The following NAPG variants were observed in gnomAD, a reference collection of about 807,000 sequenced individuals.
NAPG encodes gamma-soluble NSF attachment protein.
NAPG carries 25 observed loss-of-function variants against 48.4 expected under a neutral mutation model. The observed-to-expected ratio is 0.52, with a 90% CI of 0.38 to 0.72. The LOEUF (loss-of-function observed/expected upper bound fraction) is 0.72, where lower values mean the gene tolerates loss of function less well. Among genes scored for constraint, NAPG ranks in the 30% least tolerant of loss-of-function variants. NAPG has a pLI of 0.00. For missense variants in NAPG, 359 were observed against 372.5 expected (o/e 0.96, Z 0.30); for synonymous variants, 139 against 127.2 (o/e 1.09, Z -0.62).
Position 10,534,569 on chromosome 18 carries a change from G to A in NAPG, c.258+73G>A, listed in dbSNP as rs2031994900. On this transcript the variant is annotated intron_variant, in intron 5 of 11. Coordinates refer to ENST00000322897, the MANE Select transcript of NAPG (RefSeq NM_003826.3). This position sits in a 1 kb window ranked among gnomAD's most constrained non-coding sequence, Gnocchi z 5.0. ...TACAAGGTGTTAAACAAGAATTTTT[G>A]TTGAAGTTGAAAAGCTTCCTTACTG... 1 of 1,466,392 alleles carries A rather than the reference G, an allele frequency of 6.8e-7. No homozygotes were observed. Among genetic ancestry groups the A allele is most frequent in the African/African-American group, 1.4e-5 (1 of 72,010 alleles). 90.8% of individuals were successfully genotyped at this position (1,466,392 alleles called of 1,614,324 possible). A position where few individuals can be genotyped will look rare whatever the true frequency, so the allele number is the denominator to read the frequency against.
rs1277693681 is a variant in NAPG at position 10,534,139 on chromosome 18, T to C, written c.228-327T>C. ...TCCAGCCTGGGCGACACAGCAAGGCTCCATCCCAAAAACAAACAAACAAAC... is the reference window on the plus strand; with the variant it reads ...TCCAGCCTGGGCGACACAGCAAGGCCCCATCCCAAAAACAAACAAACAAAC... On this transcript the variant is annotated intron_variant, in intron 4 of 11. Coordinates refer to ENST00000322897, the MANE Select transcript of NAPG (RefSeq NM_003826.3). The surrounding 1 kb of genome is among the most constrained non-coding windows in gnomAD (Gnocchi z 5.0). 4.6e-5 allele frequency among the ~76,000 whole-genome samples: 7 copies of C among 152,238 alleles called. No individual in the cohort carries two copies. The highest frequency in any genetic ancestry group is 2.1e-4 in the South Asian group (1 of 4,822).
intron 1 of NAPG, among the ~76,000 whole-genome samples, chr18:10,528,270 C>A (rs1330886750): frequency 6.6e-6 from 1 of 152,150 alleles, no homozygotes; most frequent in African/African-American, 2.4e-5. Flanking sequence ...AGTAAACGAA[C>A]ATTTACAAAG....
intron 2 of NAPG, among the ~76,000 whole-genome samples, chr18:10,532,314 C>G (rs1316292521): frequency 6.6e-6 from 1 of 152,090 alleles, no homozygotes; most frequent in Non-Finnish European, 1.5e-5. Context: ...CAGTTTCTAC[C>G]TAATCGAATG....
At chr18:10,549,247 A>G (rs966757351) in intron 11 of NAPG, among the ~76,000 whole-genome samples, 151 bp downstream of exon 11, 1 of 152,184 alleles carries the variant, frequency 6.6e-6, no homozygotes, top group African/African-American at 2.4e-5. Context: ...GACCACTTGC[A>G]TTGAATTTCA....
At chr18:10,527,770 A>G (rs755351245) in intron 1 of NAPG, among the ~76,000 whole-genome samples, 97 of 152,346 alleles carry the variant, frequency 6.4e-4, no homozygotes, top group Non-Finnish European at 1.2e-3. Context: ...GTGTAGTCAC[A>G]GTGCCAGGGG....
At chr18:10,549,144 G>A (rs2032331895) in intron 11 of NAPG, 48 bp downstream of exon 11, 2 of 1,564,122 alleles carry the variant, frequency 1.3e-6, no homozygotes, top group African/African-American at 2.7e-5. Flanking sequence ...TTGAAAGAAA[G>A]AGGTTTCTAG....
chr18:10,550,059 A>G lies in NAPG; in HGVS notation c.796-18A>G, dbSNP rs1297569471. 3 of 1,508,572 alleles carry G rather than the reference A, an allele frequency of 2.0e-6. No individual in the cohort carries two copies. The highest frequency in any genetic ancestry group is 1.5e-5 in the African/African-American group (1 of 68,432). The allele number at this position is 1,508,572 out of a possible 1,614,324, so 93.4% of individuals were successfully genotyped here. ...TTCTAGTTATCCAGCTTTTAAGAAC[A>G]TGTTCTGTTGTTGACAGTATGCTAA... On this transcript the variant is annotated intron_variant, in intron 11 of 11. Coordinates refer to ENST00000322897, the MANE Select transcript of NAPG (RefSeq NM_003826.3).
chr18:10,550,249 A>G lies in NAPG; in HGVS notation c.*29A>G, dbSNP rs1190508203. ...TTTGCTTGCTGAAAAGAAAAGGGAA[A>G]CAAAGGTAAAATCCTGACATGCCAT... is the stretch of plus-strand genomic sequence containing the variant. On this transcript the variant is annotated 3_prime_UTR_variant, in exon 12 of 12. Coordinates refer to ENST00000322897, the MANE Select transcript of NAPG (RefSeq NM_003826.3). The G allele has an allele frequency of 1.3e-6, 2 of 1,561,984 alleles. No homozygotes were observed. Among genetic ancestry groups the G allele is most frequent in the South Asian group, 1.2e-5 (1 of 82,104 alleles).
intron 2 of NAPG, among the ~76,000 whole-genome samples, chr18:10,531,516 A>AATACAACT (rs1237051584): frequency 6.6e-6 from 1 of 152,242 alleles, no homozygotes; most frequent in Non-Finnish European, 1.5e-5. Context: ...TATTTCAGCG[A>AATACAACT]TAGCCCTTAT....
intron 2 of NAPG, among the ~76,000 whole-genome samples, chr18:10,532,240 A>G (rs577919719): frequency 3.3e-5 from 5 of 152,310 alleles, no homozygotes; most frequent in African/African-American, 7.2e-5. Flanking sequence ...ATTGTTAGAC[A>G]TTTAAAGATT....
intron 11 of NAPG, 113 bp from the exon 12 acceptor site, chr18:10,549,964 G>GTAGA: frequency 8.9e-7 from 1 of 1,124,342 alleles, no homozygotes; most frequent in South Asian, 2.4e-5. Context: ...CATCTGAATG[G>GTAGA]TAGAATTGGT....
rs538398313 is a variant in NAPG, at chr18:10,532,692, A to AT, written c.125-10dup. The AT allele has an allele frequency of 3.4e-3, 5,237 of 1,525,064 alleles. 34 individuals are homozygous for AT. The highest frequency in any genetic ancestry group is 0.03 in the African/African-American group (2,195 of 72,352). The allele number at this position is 1,525,064 out of a possible 1,614,324, so 94.5% of individuals were successfully genotyped here. ...AGGTTTTTAATGATGGAAATAGTCA[A>AT]TTTTTTTTTCTATTTCAGCTGTTGC... On this transcript the variant is annotated intron_variant, in intron 2 of 11. Coordinates refer to ENST00000322897, the MANE Select transcript of NAPG (RefSeq NM_003826.3).
chr18:10,548,209 A>AAGTTAAAC lies in NAPG; in HGVS notation c.586-89_586-82dup. 1 of 892,652 alleles carries AAGTTAAAC rather than the reference A, an allele frequency of 1.1e-6. No homozygotes were observed. The highest frequency in any genetic ancestry group is 1.8e-6 in the Non-Finnish European group (1 of 545,636). 55.3% of individuals were successfully genotyped at this position (892,652 alleles called of 1,614,324 possible). A position where few individuals can be genotyped will look rare whatever the true frequency, so the allele number is the denominator to read the frequency against. ...CTGTTTATACAAACAAAGACTCTGA[A>AAGTTAAAC]AGTTAAACTCCAGGTGTTTTCAATA... On this transcript the variant is annotated intron_variant, in intron 9 of 11. Transcript: ENST00000322897. The surrounding 1 kb of genome is among the most constrained non-coding windows in gnomAD (Gnocchi z 4.4).
chr18:10,528,045 C>G (rs3790130), intron 1 of NAPG, among the ~76,000 whole-genome samples: 17,187 of 151,988 alleles, frequency 0.11, 3,040 homozygotes, highest in African/African-American at 0.38. Flanking sequence ...AATTAGCCGG[C>G]TGTGGTGGCG....
In NAPG at chr18:10,539,781, A is replaced by G; in HGVS notation, c.278A>G (p.Glu93Gly). The change falls in exon 6 of 12, where the codon GAG becomes GGG. Residue 93 changes from glutamate (E) to glycine (G), a missense_variant. By Grantham distance (98) the Glu-to-Gly change is moderately conservative. Transcript: ENST00000322897. The surrounding 1 kb of genome is among the most constrained non-coding windows in gnomAD (Gnocchi z 4.7). The stretch of plus-strand genomic sequence containing the variant: ...CCAAAGGAGATGCAGAAACTACCAG[A>G]GGCCGTTCAGCTAATTGAGAAGGCC... ...MMLKEMQKLP[E>G]AVQLIEKASM... is the part of the protein sequence containing the mutation. The G allele has an allele frequency of 6.2e-7, 1 of 1,613,986 alleles. No homozygotes were observed. The highest frequency in any genetic ancestry group is 8.5e-7 in the Non-Finnish European group (1 of 1,179,856).
chr18:10,533,610 T>C (rs1407889228), intron 4 of NAPG, 57 bp downstream of exon 4: 14 of 1,429,546 alleles, frequency 9.8e-6, no homozygotes, highest in Non-Finnish European at 1.3e-5. Context: ...TGTTGCTGTT[T>C]TTCTGTAGGT....
At chr18:10,530,946 T>TA in intron 2 of NAPG, 109 bp downstream of exon 2, 3 of 872,920 alleles carry the variant, frequency 3.4e-6, no homozygotes, top group South Asian at 6.6e-5. Context: ...CTTTAATAGT[T>TA]AAAAAACAAA....
At chr18:10,549,225 C>T (rs1010720889) in intron 11 of NAPG, 129 bp downstream of exon 11, 1 of 1,046,712 alleles carries the variant, frequency 9.6e-7, no homozygotes, top group South Asian at 1.7e-5. Context: ...AGCTACTACT[C>T]ATAAGGAAAC....
intron 5 of NAPG, among the ~76,000 whole-genome samples, chr18:10,536,831 G>A (rs534325201): frequency 2.0e-5 from 3 of 152,066 alleles, no homozygotes; most frequent in African/African-American, 7.2e-5. Flanking sequence ...TAATTAGTGG[G>A]TAGGTATATT....
Sources: gnomAD v4.1 joint callset for allele counts (sites outside exome capture counted in the v4.1 genomes callset) on GRCh38, gnomAD v4.1.1 for gene constraint, Gnocchi (gnomAD v3.1) non-coding constraint, MANE v1.5 for transcripts, NCBI Gene and HGNC (gene_info 2026-07-23, HGNC 2026-07-21) for gene names.